The following BEND7 variants were observed in gnomAD, a reference collection of about 807,000 sequenced individuals.
The protein encoded by BEND7 is BEN domain containing 7.
BEND7 carries 28 observed loss-of-function variants against 50.9 expected under a neutral mutation model. That is an observed-to-expected ratio of 0.55 (90% CI 0.41 to 0.75). The LOEUF (loss-of-function observed/expected upper bound fraction) is 0.75, where lower values mean the gene tolerates loss of function less well. Ranked by LOEUF, BEND7 falls within the 30% of genes least tolerant of loss-of-function variation. The pLI, the probability that BEND7 is intolerant of heterozygous loss-of-function variation, is 0.00. For synonymous variants in BEND7, 170 were observed against 183.9 expected (o/e 0.92, Z 0.61); for missense variants, 477 against 491.3 (o/e 0.97, Z 0.28).
At chr10:13,522,749 C>T (rs1045288552) in intron 2 of BEND7, among the ~76,000 whole-genome samples, 9 of 152,126 alleles carry the variant, frequency 5.9e-5, no homozygotes, top group Non-Finnish European at 1.2e-4. Context: ...ATTTAATTAC[C>T]GTTCACAGAC....
chr10:13,440,552 G>A (rs529673113), downstream of BEND7, among the ~76,000 whole-genome samples: 25 of 152,326 alleles, frequency 1.6e-4, no homozygotes, highest in East Asian at 4.8e-3. Flanking sequence ...TTGAACCTCC[G>A]AAGAAGCTGG....
intron 8 of BEND7, chr10:13,444,987 T>G (rs530000281): frequency 6.6e-6 from 1 of 151,862 alleles, no homozygotes; most frequent in East Asian, 1.9e-4. Flanking sequence ...GCTAATTTTT[T>G]ATATATTTTT....
At chr10:13,461,129 A>G (rs1173429155) in intron 6 of BEND7, among the ~76,000 whole-genome samples, 1 of 152,142 alleles carries the variant, frequency 6.6e-6, no homozygotes, top group Non-Finnish European at 1.5e-5. Flanking sequence ...ACCAAAGAAA[A>G]AAGTGGAGGT....
At position 13,467,286 on chromosome 10, in the gene BEND7, G is replaced by A. The variant is rs58110113; in HGVS notation, c.1063+13613C>T. Among the ~76,000 whole-genome samples, 948 of 152,290 alleles carry A rather than the reference G, an allele frequency of 6.2e-3. 7 individuals carry two copies. The highest frequency in any genetic ancestry group is 0.022 in the African/African-American group (926 of 41,538). On this transcript the variant is annotated intron_variant, in intron 6 of 8. Transcript: ENST00000466271. ...ACAAAGGCTAAAATATACCTGGAGG[G>A]GAAGTATACGGATGTGTCAAGAAGT...
chr10:13,503,411 G>A (rs2077627582), intron 2 of BEND7, among the ~76,000 whole-genome samples: 1 of 152,148 alleles, frequency 6.6e-6, no homozygotes, highest in African/African-American at 2.4e-5. Context: ...ATGTTTTAAA[G>A]GATGGAACAC....
At chr10:13,447,672 TA>T (rs1471077714) in intron 7 of BEND7, among the ~76,000 whole-genome samples, 1 of 151,338 alleles carries the variant, frequency 6.6e-6, no homozygotes, top group African/African-American at 2.4e-5. Context: ...GCCTCCCGAG[TA>T]GCTGGGACTA....
intron 6 of BEND7, among the ~76,000 whole-genome samples, chr10:13,453,098 T>C (rs958174632): frequency 6.6e-6 from 1 of 152,214 alleles, no homozygotes; most frequent in African/African-American, 2.4e-5. Flanking sequence ...TTCTACTAAC[T>C]CAATCACTAC....
intron 3 of BEND7, among the ~76,000 whole-genome samples, chr10:13,498,175 A>C (rs2077170677): frequency 6.7e-6 from 1 of 148,686 alleles, no homozygotes; most frequent in East Asian, 2.0e-4. Context: ...TCCCAGGCTC[A>C]AGCGCTTCTC....
intron 6 of BEND7, among the ~76,000 whole-genome samples, chr10:13,475,369 G>A (rs773836262): frequency 6.6e-5 from 10 of 152,216 alleles, no homozygotes; most frequent in Middle Eastern, 3.2e-3. Context: ...CTTTGGTTCT[G>A]ACTGCCAAAC....
At chr10:13,500,350 A>G (rs2077351214) in intron 2 of BEND7, among the ~76,000 whole-genome samples, 2 of 152,168 alleles carry the variant, frequency 1.3e-5, no homozygotes, top group Non-Finnish European at 2.9e-5. Context: ...AGGAACAAAC[A>G]TGACATTCCC....
chr10:13,442,046 C>T, intron 8 of BEND7: 1 of 422,708 alleles, frequency 2.4e-6, no homozygotes, highest in Non-Finnish European at 4.2e-6. Context: ...CCTCTCCTAT[C>T]TCTAGGTTTA....
In BEND7 at chr10:13,528,689, C is replaced by T. The variant is rs1250848779; in HGVS notation, c.-156G>A. Reference sequence around the variant, plus strand: ...GAGTCGGCGAGGGGAGGCCGCGGGACGGGAGGAACCACCGCGAGCCGGCTC... The same window carrying T: ...GAGTCGGCGAGGGGAGGCCGCGGGATGGGAGGAACCACCGCGAGCCGGCTC... On this transcript the variant is annotated 5_prime_UTR_variant, in exon 1 of 9. Transcript: ENST00000466271. 1.5e-5 allele frequency: 3 copies of T among 206,180 alleles called. No homozygotes were observed. Among genetic ancestry groups the T allele is most frequent in the African/African-American group, 7.2e-5 (3 of 41,746 alleles). The allele number at this position is 206,180 out of a possible 1,614,324, so 12.8% of individuals were successfully genotyped here. A position where few individuals can be genotyped will look rare whatever the true frequency, so the allele number is the denominator to read the frequency against.
Position 13,441,443 on chromosome 10 carries a change from TCGCACA to T in BEND7, c.*294_*299del. The T allele has an allele frequency of 8.5e-7, 1 of 1,178,020 alleles. No individual in the cohort carries two copies. Among genetic ancestry groups the T allele is most frequent in the Non-Finnish European group, 1.0e-6 (1 of 958,898 alleles). The allele number at this position is 1,178,020 out of a possible 1,614,324, so 73.0% of individuals were successfully genotyped here. On this transcript the variant is annotated 3_prime_UTR_variant, in exon 9 of 9. Coordinates refer to ENST00000466271, the MANE Select transcript of BEND7 (RefSeq NM_001369863.1). ...TATTTCCAGTGTGTAGATCCGTTCA[TCGCACA>T]CATCTTTGGGTTGAACAAGCTCCAC... is the stretch of plus-strand genomic sequence containing the variant.
At chr10:13,500,445 C>T in intron 2 of BEND7, 1 of 907,420 alleles carries the variant, frequency 1.1e-6, no homozygotes. Flanking sequence ...CCGCGGAACC[C>T]CTCTGCTCTG....
At chr10:13,468,842 T>C (rs1219934683) in intron 6 of BEND7, among the ~76,000 whole-genome samples, 1 of 152,226 alleles carries the variant, frequency 6.6e-6, no homozygotes, top group Non-Finnish European at 1.5e-5. Flanking sequence ...ATGCCTCTGC[T>C]AAAAATAATG....
chr10:13,527,724 TTTAA>T (rs2079523403), intron 1 of BEND7: 1 of 509,136 alleles, frequency 2.0e-6, no homozygotes. Context: ...TTATCATTTT[TTTAA>T]AAAAAAAAGT....
chr10:13,484,291 CAA>C (rs952514022), intron 5 of BEND7, among the ~76,000 whole-genome samples: 19 of 152,308 alleles, frequency 1.2e-4, no homozygotes, highest in Admixed American at 3.9e-4. Flanking sequence ...CTTAAAAGAA[CAA>C]AAGAGGGCAG....
chr10:13,524,593 G>A (rs1016411493), intron 2 of BEND7, among the ~76,000 whole-genome samples: 1 of 147,896 alleles, frequency 6.8e-6, no homozygotes, highest in Admixed American at 6.8e-5. Flanking sequence ...GCAGTGAGCC[G>A]AGATCATGCC....
At chr10:13,474,526 T>C (rs1180619769) in intron 6 of BEND7, among the ~76,000 whole-genome samples, 1 of 137,600 alleles carries the variant, frequency 7.3e-6, no homozygotes, top group African/African-American at 2.7e-5. Context: ...CTCGGGTCGA[T>C]ACCCGTCACC....
Sources: allele counts gnomAD v4.1 joint callset (sites outside exome capture counted in the v4.1 genomes callset), GRCh38; gene constraint gnomAD v4.1.1; transcripts MANE v1.5; gene names NCBI Gene and HGNC (gene_info 2026-07-23, HGNC 2026-07-21).